SPRED3: variants seen among roughly 807,000 people sequenced by gnomAD.
The protein encoded by SPRED3 is sprouty related EVH1 domain containing 3, also known as sprouty-related, EVH1 domain-containing protein 3.
In SPRED3, 23 loss-of-function variants were observed where a neutral mutation model predicts 37.6. The ratio of observed to expected loss-of-function variants is 0.61; its 90% CI spans 0.44 to 0.87. SPRED3 has a LOEUF of 0.87. Ranked by LOEUF, SPRED3 falls within the 40% of genes least tolerant of loss-of-function variation. The pLI, the probability that SPRED3 is intolerant of heterozygous loss-of-function variation, is 0.00. For synonymous variants in SPRED3, 302 were observed against 279.6 expected, an observed-to-expected ratio of 1.08 and a Z score of -0.80; for missense variants, 584 against 618.6, an observed-to-expected ratio of 0.94 and a Z score of 0.59.
Position 38,395,487 on chromosome 19 carries a change from C to G in SPRED3, c.575C>G (p.Pro192Arg). 2 of 1,495,886 alleles carry G rather than the reference C, an allele frequency of 1.3e-6. No individual in the cohort carries two copies. Among genetic ancestry groups the G allele is most frequent in the Non-Finnish European group, 1.8e-6 (2 of 1,126,072 alleles). 92.7% of individuals were successfully genotyped at this position (1,495,886 alleles called of 1,614,324 possible). Residue 192 changes from proline (P) to arginine (R), a missense_variant, in exon 6 of 6, where the codon CCT (proline) becomes CGT (arginine). Coordinates refer to ENST00000691638, the MANE Select transcript of SPRED3 (RefSeq NM_001394336.1). This position sits in a 1 kb window ranked among gnomAD's most constrained non-coding sequence, Gnocchi z 5.2. ...QRRRSSAQSY[P>R]PLLPFTGIPE... Reference sequence around the variant, plus strand: ...TGTCCCTTCGTTCCGCAGAGCTACCCTCCGCTTCTACCGTTCACGGGGATT... The same window carrying G: ...TGTCCCTTCGTTCCGCAGAGCTACCGTCCGCTTCTACCGTTCACGGGGATT...
At chr19:38,393,017 T>C (rs1309885756) in intron 4 of SPRED3, among the ~76,000 whole-genome samples, 1 of 152,234 alleles carries the variant, frequency 6.6e-6, no homozygotes. Context: ...CCATGCCATG[T>C]GGCCCTGTGT....
Position 38,396,260 on chromosome 19 carries a change from G to C in SPRED3, c.*115G>C. On this transcript the variant is annotated 3_prime_UTR_variant, in exon 6 of 6. Transcript: ENST00000691638. The stretch of plus-strand genomic sequence containing the variant: ...TAGGCACATCCGGAACTTGGAGCTT[G>C]AGTTTGGATTGAGAGATCTCAGACC... The C allele has an allele frequency of 1.3e-6, 1 of 780,014 alleles. No individual in the cohort carries two copies. 48.3% of individuals were successfully genotyped at this position (780,014 alleles called of 1,614,324 possible).
At position 38,394,767 on chromosome 19, in the gene SPRED3, G is replaced by T. The variant is rs865940339; in HGVS notation, c.548G>T (p.Arg183Leu). ...TTCGGGCCGACCACGCCCCCCCAGC[G>T]CCGCCGCTCCTCCGCTCAGGTGCGA... ...SGFGPTTPPQ[R>L]RRSSAQSYPP... Residue 183 changes from arginine (R) to leucine (L), a missense_variant, in exon 5 of 6, where the codon CGC (arginine) becomes CTC (leucine). Arg to Leu is a moderately radical substitution (Grantham distance 102). This residue lies in a region of SPRED3 where 310 missense variants were observed against 281.1 expected (regional missense o/e 1.10). Transcript: ENST00000691638. 13 of 1,574,734 alleles carry T rather than the reference G, an allele frequency of 8.3e-6. No individual in the cohort carries two copies. In the East Asian group the frequency reaches 2.3e-4, roughly 28 times the overall value.
Position 38,395,720 on chromosome 19 carries a change from C to T in SPRED3, c.808C>T (p.Pro270Ser), listed in dbSNP as rs1220702343. The T allele has an allele frequency of 9.0e-6, 13 of 1,451,782 alleles. 1 individual carries two copies. The highest frequency in any genetic ancestry group is 4.1e-5 in the South Asian group (3 of 72,406). 89.9% of individuals were successfully genotyped at this position (1,451,782 alleles called of 1,614,324 possible). A position where few individuals can be genotyped will look rare whatever the true frequency, so the allele number is the denominator to read the frequency against. ...TTTGACCGAGGCTGCGCCCCCAGCG[C>T]CCCCCGCTCGCCCACCCCCCGGCCC... is the stretch of plus-strand genomic sequence containing the variant. ...APLTEAAPPAPPARPPPGPGP... is the reference protein window; with the variant it reads ...APLTEAAPPASPARPPPGPGP... The change falls in exon 6 of 6, where the codon CCC (proline) becomes TCC (serine). Residue 270 changes from proline to serine, a missense_variant. By Grantham distance (74) the Pro-to-Ser change is moderately conservative (BLOSUM62 -1). Transcript: ENST00000691638. This position sits in a 1 kb window ranked among gnomAD's most constrained non-coding sequence, Gnocchi z 5.2.
In SPRED3 at chr19:38,395,521, C is replaced by G. The variant is rs1164660698; in HGVS notation, c.609C>G (p.Pro203=). The change falls in exon 6 of 6, where the codon CCC becomes CCG. Residue 203 remains proline (P), a synonymous_variant. Transcript: ENST00000691638. This position sits in a 1 kb window ranked among gnomAD's most constrained non-coding sequence, Gnocchi z 5.2. Reference sequence around the variant, plus strand: ...TACCGTTCACGGGGATTCCGGAACCCTCAGAGCCCCTGGCAGGGGCAGGGG... The same window carrying G: ...TACCGTTCACGGGGATTCCGGAACCGTCAGAGCCCCTGGCAGGGGCAGGGG... The part of the protein sequence containing the change: ...PLLPFTGIPE[P]SEPLAGAGGL... 8 of 1,539,674 alleles carry G rather than the reference C, an allele frequency of 5.2e-6. No individual in the cohort carries two copies. Among genetic ancestry groups the G allele is most frequent in the Non-Finnish European group, 7.0e-6 (8 of 1,148,048 alleles).
Position 38,395,334 on chromosome 19 carries a change from G to A in SPRED3, c.568-146G>A. The A allele has an allele frequency of 1.3e-6, 1 of 751,036 alleles. No homozygotes were observed. Among genetic ancestry groups the A allele is most frequent in the South Asian group, 2.4e-5 (1 of 40,844 alleles). The allele number at this position is 751,036 out of a possible 1,614,324, so 46.5% of individuals were successfully genotyped here. ...GTGGATTCCTCTGTCTGTCCCTGGA[G>A]AAAAGTGGGGATTGAGGGACCTTGG... On this transcript the variant is annotated intron_variant, in intron 5 of 5. Transcript: ENST00000691638. The surrounding 1 kb of genome is among the most constrained non-coding windows in gnomAD (Gnocchi z 5.2).
Position 38,392,032 on chromosome 19 carries a change from GT to G in SPRED3, c.267del (p.Phe89LeufsTer3). ...FHHWSLGDCK[F>X]GLTFQSPAEA... ...ACCACTGGAGCCTGGGTGACTGCAA[GT>G]TTGGACTGACGTTTCAGAGCCCTGC... On this transcript the variant is annotated frameshift_variant, in exon 3 of 6. Coordinates refer to ENST00000691638, the MANE Select transcript of SPRED3 (RefSeq NM_001394336.1). LOFTEE classifies it high-confidence loss of function. The G allele has an allele frequency of 6.2e-7, 1 of 1,614,222 alleles. No homozygotes were observed. Among genetic ancestry groups the G allele is most frequent in the Non-Finnish European group, 8.5e-7 (1 of 1,180,048 alleles).
Position 38,390,398 on chromosome 19 carries a change from TCGGGTCCGAGGGG to T in SPRED3, c.98_110del (p.Arg33ProfsTer30). ...GGGGCCTCAGCCAGGTGAGCGTGTG[TCGGGTCCGAGGGG>T]CCAGGCCCGAGGGGGGGGCCCGCCA... On this transcript the variant is annotated frameshift_variant, in exon 2 of 6. Transcript: ENST00000691638. LOFTEE classifies it high-confidence loss of function. The T allele has an allele frequency of 7.2e-7, 1 of 1,388,412 alleles. No homozygotes were observed. The highest frequency in any genetic ancestry group is 9.4e-7 in the Non-Finnish European group (1 of 1,067,134). 86.0% of individuals were successfully genotyped at this position (1,388,412 alleles called of 1,614,324 possible).
intron 2 of SPRED3, among the ~76,000 whole-genome samples, chr19:38,391,340 AAG>A (rs1555746044): frequency 4.7e-5 from 7 of 150,346 alleles, no homozygotes; most frequent in South Asian, 2.1e-4. Context: ...AAAAAAAAAA[AAG>A]AGAGAGAGAA....
intron 1 of SPRED3, among the ~76,000 whole-genome samples, chr19:38,389,046 C>A (rs1370367285): frequency 6.6e-6 from 1 of 152,178 alleles, no homozygotes; most frequent in Non-Finnish European, 1.5e-5. Context: ...CCTGGACCCT[C>A]ACCGTTGAGG....
At chr19:38,389,588 C>G (rs935502085) in intron 1 of SPRED3, 1 of 152,224 alleles carries the variant, frequency 6.6e-6, no homozygotes, top group Non-Finnish European at 1.5e-5. Flanking sequence ...GGGGAGCAGC[C>G]TTGATTTTTG....
chr19:38,392,777 T>C (rs1409596998), intron 4 of SPRED3: 1 of 152,318 alleles, frequency 6.6e-6, no homozygotes, highest in East Asian at 1.9e-4. Context: ...TTGGTTCTAC[T>C]TTCCAAATCA....
In SPRED3 at chr19:38,395,794, A is replaced by C; in HGVS notation, c.882A>C (p.Ala294=). The C allele has an allele frequency of 1.4e-6, 2 of 1,465,700 alleles. No individual in the cohort carries two copies. Among genetic ancestry groups the C allele is most frequent in the Non-Finnish European group, 1.8e-6 (2 of 1,116,804 alleles). The allele number at this position is 1,465,700 out of a possible 1,614,324, so 90.8% of individuals were successfully genotyped here. The change falls in exon 6 of 6, where the codon GCA becomes GCC. Residue 294 remains alanine (A), a synonymous_variant. Transcript: ENST00000691638. This position sits in a 1 kb window ranked among gnomAD's most constrained non-coding sequence, Gnocchi z 5.2. ...AGGCCTCCCCGGAAGCGGAGGAGGC[A>C]GCGCGCTGCGTGCATTGCCGCGCGC... ...PAKASPEAEE[A]ARCVHCRALF...
chr19:38,393,344 C>CTTTTTTTT (rs74176441), intron 4 of SPRED3, among the ~76,000 whole-genome samples: 32 of 121,124 alleles, frequency 2.6e-4, no homozygotes, highest in Non-Finnish European at 3.9e-4. Context: ...ATACTATTAT[C>CTTTTTTTT]TTTTTTTTTT....
chr19:38,393,616 GTATT>G (rs1434784725), intron 4 of SPRED3, among the ~76,000 whole-genome samples: 1 of 152,066 alleles, frequency 6.6e-6, no homozygotes, highest in African/African-American at 2.4e-5. Context: ...GATTACAGGT[GTATT>G]TCCCGGCCTA....
In SPRED3 at chr19:38,395,623, C is replaced by A; in HGVS notation, c.711C>A (p.Cys237Ter). Residue 237 changes from cysteine to a stop codon, truncating the protein, a stop_gained, in exon 6 of 6, where the codon TGC becomes TGA. Coordinates refer to ENST00000691638, the MANE Select transcript of SPRED3 (RefSeq NM_001394336.1). LOFTEE classifies it high-confidence loss of function. The surrounding 1 kb of genome is among the most constrained non-coding windows in gnomAD (Gnocchi z 5.2). Reference protein sequence around the residue: ...GPPAPLALSTCVVRFAKTGAL... With the variant: ...GPPAPLALST The stretch of plus-strand genomic sequence containing the variant: ...CCGCGCCCCTCGCCCTGTCCACCTG[C>A]GTCGTGCGCTTCGCCAAGACCGGCG... 6.5e-7 allele frequency: 1 copy of A among 1,545,790 alleles called. No homozygotes were observed. The highest frequency in any genetic ancestry group is 8.7e-7 in the Non-Finnish European group (1 of 1,154,134).
At position 38,392,288 on chromosome 19, in the gene SPRED3, G is replaced by C. The variant is rs1240844576; in HGVS notation, c.423G>C (p.Thr141=). Residue 141 remains threonine (T), a splice_region_variant and synonymous_variant, in exon 4 of 6, where the codon ACG becomes ACC. Coordinates refer to ENST00000691638, the MANE Select transcript of SPRED3 (RefSeq NM_001394336.1). ...QDTAETPCPL[T]SHVDSDSSSS... ...CTGCAGAGACCCCCTGCCCTCTGAC[G>C]GTGAGTGTCCAGGATGCCTCTCTGC... 6.4e-7 allele frequency: 1 copy of C among 1,552,278 alleles called. No individual in the cohort carries two copies. The highest frequency in any genetic ancestry group is 8.7e-7 in the Non-Finnish European group (1 of 1,150,596).
intron 2 of SPRED3, among the ~76,000 whole-genome samples, chr19:38,390,764 G>C (rs1363463750): frequency 3.8e-4 from 24 of 62,454 alleles, no homozygotes; most frequent in African/African-American, 5.1e-4. Context: ...AGGGGGCACT[G>C]CCCCCCCCCC....
rs1241601722 is a variant in SPRED3, at chr19:38,395,519, C to T, written c.607C>T (p.Pro203Ser). Residue 203 changes from proline (P) to serine (S), a missense_variant, in exon 6 of 6, where the codon CCC becomes TCC. Physicochemically the swap from Pro to Ser is moderately conservative, Grantham distance 74 (BLOSUM62 -1). This residue lies in a region of SPRED3 where 310 missense variants were observed against 281.1 expected (regional missense o/e 1.10). Coordinates refer to ENST00000691638, the MANE Select transcript of SPRED3 (RefSeq NM_001394336.1). The surrounding 1 kb of genome is among the most constrained non-coding windows in gnomAD (Gnocchi z 5.2). ...TCTACCGTTCACGGGGATTCCGGAA[C>T]CCTCAGAGCCCCTGGCAGGGGCAGG... ...PLLPFTGIPE[P>S]SEPLAGAGGL... 1 of 1,527,142 alleles carries T rather than the reference C, an allele frequency of 6.5e-7. No individual in the cohort carries two copies. The highest frequency in any genetic ancestry group is 8.8e-7 in the Non-Finnish European group (1 of 1,142,712). The allele number at this position is 1,527,142 out of a possible 1,614,324, so 94.6% of individuals were successfully genotyped here. A position where few individuals can be genotyped will look rare whatever the true frequency, so the allele number is the denominator to read the frequency against.
Sources: gnomAD v4.1 joint callset for allele counts (sites outside exome capture counted in the v4.1 genomes callset) on GRCh38, gnomAD v4.1.1 for gene constraint, gnomAD v4.1.1 regional missense constraint, Gnocchi (gnomAD v3.1) non-coding constraint, MANE v1.5 for transcripts, NCBI Gene and HGNC (gene_info 2026-07-23, HGNC 2026-07-21) for gene names.